CSTA: variants seen among roughly 807,000 people sequenced by gnomAD.
CSTA encodes the protein cystatin-A.
In CSTA, 9 loss-of-function variants were observed where a neutral mutation model predicts 9.2. The observed-to-expected ratio is 0.97, with a 90% confidence interval of 0.59 to 1.70. CSTA has a LOEUF of 1.70. Among genes scored for constraint, CSTA ranks in the 40% most tolerant of loss-of-function variants. The pLI is 0.00. For synonymous variants in CSTA, 36 were observed against 40.6 expected, an observed-to-expected ratio of 0.89 and a Z score of 0.43; for missense variants, 118 against 113.1, an observed-to-expected ratio of 1.04 and a Z score of -0.20.
At chr3:122,340,978 A>G (rs2075262477) in intron 2 of CSTA, among the ~76,000 whole-genome samples, 1 of 149,562 alleles carries the variant, frequency 6.7e-6, no homozygotes, top group Non-Finnish European at 1.5e-5. Flanking sequence ...CTCTTGCTCT[A>G]TCACCCAGGC....
intron 2 of CSTA, chr3:122,338,344 TAAG>T (rs1470379067): frequency 6.6e-6 from 1 of 152,154 alleles, no homozygotes; most frequent in Non-Finnish European, 1.5e-5. Context: ...CCTTATATAT[TAAG>T]AAGATGATAA....
At chr3:122,328,682 T>A (rs911331488) in intron 1 of CSTA, among the ~76,000 whole-genome samples, 2 of 151,672 alleles carry the variant, frequency 1.3e-5, no homozygotes, top group African/African-American at 4.8e-5. Flanking sequence ...AGCCTCACAG[T>A]TAAGTCCATA....
At chr3:122,329,221 C>T (rs1326817098) in intron 1 of CSTA, among the ~76,000 whole-genome samples, 1 of 151,932 alleles carries the variant, frequency 6.6e-6, no homozygotes, top group Non-Finnish European at 1.5e-5. Flanking sequence ...CCGCCTTGGC[C>T]TCCCAAAGTG....
At chr3:122,334,600 G>A (rs577981583) in intron 1 of CSTA, among the ~76,000 whole-genome samples, 62 of 152,276 alleles carry the variant, frequency 4.1e-4, no homozygotes, top group African/African-American at 1.3e-3. Flanking sequence ...TTCATGAAGG[G>A]CATAAAAGCA....
intron 1 of CSTA, among the ~76,000 whole-genome samples, chr3:122,333,544 A>AAAGAAAAGAAAG (rs879562078): frequency 0.1 from 3,734 of 37,410 alleles, 69 homozygotes; most frequent in Admixed American, 0.12. Context: ...AAGAAAGAAG[A>AAAGAAAAGAAAG]AAGAAAGAAA....
intron 1 of CSTA, among the ~76,000 whole-genome samples, chr3:122,329,401 C>T (rs184975759): frequency 3.9e-4 from 59 of 152,114 alleles, no homozygotes; most frequent in African/African-American, 1.3e-3. Flanking sequence ...CCTGTCTCTA[C>T]CCCCTCCAAA....
chr3:122,333,559 GAA>G (rs760778561), intron 1 of CSTA, among the ~76,000 whole-genome samples: 1 of 119,128 alleles, frequency 8.4e-6, no homozygotes, highest in Admixed American at 8.9e-5. Context: ...AAGAAAGAAA[GAA>G]AGAAAGAAAG....
rs370215343 is a variant in CSTA at position 122,341,561 on chromosome 3, C to T, written c.291C>T (p.Gly97=). 5 of 1,614,136 alleles carry T rather than the reference C, an allele frequency of 3.1e-6. No individual in the cohort carries two copies. The Admixed American group carries it at 8.3e-5, about 27-fold the overall frequency. Reference sequence around the variant, plus strand: ...AAAACAAGGATGACGAGCTGACGGGCTTTTAGCAGCATGTACCCAAAGTGT... The same window carrying T: ...AAAACAAGGATGACGAGCTGACGGGTTTTTAGCAGCATGTACCCAAAGTGT... ...VDKNKDDELT[G]F The change falls in exon 3 of 3, where the codon GGC becomes GGT. Residue 97 remains glycine (G), a synonymous_variant. Coordinates refer to ENST00000264474, the MANE Select transcript of CSTA (RefSeq NM_005213.4).
chr3:122,328,127 C>T (rs1410801094), intron 1 of CSTA, among the ~76,000 whole-genome samples: 6 of 152,162 alleles, frequency 3.9e-5, no homozygotes, highest in African/African-American at 1.4e-4. Flanking sequence ...CTGATTTCAT[C>T]TTCATAACCC....
chr3:122,327,217 C>T (rs2075175727), intron 1 of CSTA, among the ~76,000 whole-genome samples: 1 of 146,238 alleles, frequency 6.8e-6, no homozygotes, highest in Non-Finnish European at 1.5e-5. Context: ...GTCTGGGCAA[C>T]AGAGCAAGAC....
At chr3:122,337,241 A>C (rs757461608) in intron 1 of CSTA, among the ~76,000 whole-genome samples, 1 of 152,176 alleles carries the variant, frequency 6.6e-6, no homozygotes, top group Non-Finnish European at 1.5e-5. Flanking sequence ...AGTAGTAATT[A>C]TTGCTCCACT....
chr3:122,341,530 T>C lies in CSTA; in HGVS notation c.260T>C (p.Val87Ala). 1 of 1,614,138 alleles carries C rather than the reference T, an allele frequency of 6.2e-7. No individual in the cohort carries two copies. The highest frequency in any genetic ancestry group is 1.1e-5 in the South Asian group (1 of 91,070). Reference protein sequence around the residue: ...NEDLVLTGYQVDKNKDDELTG... With the variant: ...NEDLVLTGYQADKNKDDELTG... ...GACTTGGTACTTACTGGATACCAGGTTGACAAAAACAAGGATGACGAGCTG... is the reference window on the plus strand; with the variant it reads ...GACTTGGTACTTACTGGATACCAGGCTGACAAAAACAAGGATGACGAGCTG... The change falls in exon 3 of 3, where the codon GTT becomes GCT. Residue 87 changes from valine (V) to alanine (A), a missense_variant. Val to Ala is a moderately conservative substitution (Grantham distance 64). Transcript: ENST00000264474.
intron 1 of CSTA, among the ~76,000 whole-genome samples, chr3:122,332,563 G>T (rs548334544): frequency 1.3e-5 from 2 of 152,148 alleles, no homozygotes; most frequent in African/African-American, 4.8e-5. Context: ...AGTGTTGGGT[G>T]CCTCATGGCT....
chr3:122,332,849 T>G (rs538458490), intron 1 of CSTA, among the ~76,000 whole-genome samples: 1 of 152,204 alleles, frequency 6.6e-6, no homozygotes, highest in Non-Finnish European at 1.5e-5. Context: ...CCAGCTGGCC[T>G]GCATCCTCCT....
At chr3:122,327,682 G>T (rs577866950) in intron 1 of CSTA, among the ~76,000 whole-genome samples, 1 of 151,944 alleles carries the variant, frequency 6.6e-6, no homozygotes, top group East Asian at 1.9e-4. Context: ...AAATGAAAAA[G>T]AAATGTGCAT....
chr3:122,339,503 G>A (rs2075253688), intron 2 of CSTA, among the ~76,000 whole-genome samples: 1 of 152,194 alleles, frequency 6.6e-6, no homozygotes, highest in African/African-American at 2.4e-5. Flanking sequence ...CAGATAGACT[G>A]AGCTTAACTA....
chr3:122,328,633 G>A (rs1025737477), intron 1 of CSTA, among the ~76,000 whole-genome samples: 3 of 152,026 alleles, frequency 2.0e-5, no homozygotes, highest in African/African-American at 4.8e-5. Flanking sequence ...ACACTGAATG[G>A]AGAGAGTGTG....
At chr3:122,337,785 TG>T in intron 2 of CSTA, 137 bp downstream of exon 2, 2 of 737,090 alleles carry the variant, frequency 2.7e-6, no homozygotes. Flanking sequence ...TCCTTCCAAG[TG>T]GTGGACTCTC....
intron 2 of CSTA, among the ~76,000 whole-genome samples, chr3:122,339,404 T>C (rs2075252770): frequency 6.6e-6 from 1 of 152,232 alleles, no homozygotes; most frequent in Admixed American, 6.5e-5. Context: ...ATCACTTCTC[T>C]TGGGTTACCA....
Sources: gnomAD v4.1 joint callset for allele counts (sites outside exome capture counted in the v4.1 genomes callset) on GRCh38, gnomAD v4.1.1 for gene constraint, MANE v1.5 for transcripts, NCBI Gene and HGNC (gene_info 2026-07-23, HGNC 2026-07-21) for gene names.